CNTNAP5: variants seen among roughly 807,000 people sequenced by gnomAD.
CNTNAP5 encodes contactin-associated protein-like 5.
In CNTNAP5, 72 loss-of-function variants were observed where a neutral mutation model predicts 150.2. The observed-to-expected ratio is 0.48, with a 90% CI of 0.40 to 0.58. The LOEUF is 0.58. Ranked by LOEUF, CNTNAP5 falls within the 20% of genes least tolerant of loss-of-function variation. The pLI, the probability that CNTNAP5 is intolerant of heterozygous loss-of-function variation, is 0.00. For synonymous variants in CNTNAP5, 672 were observed against 619.8 expected, an observed-to-expected ratio of 1.08 and a Z score of -1.25; for missense variants, 1,636 against 1,626.2, an observed-to-expected ratio of 1.01 and a Z score of -0.10.
intron 21 of CNTNAP5, among the ~76,000 whole-genome samples, chr2:124,870,870 AAG>A (rs1378420945): frequency 7.9e-5 from 12 of 152,028 alleles, no homozygotes. Context: ...TGCCAGTAGA[AAG>A]AGCTGAAAAG....
intron 3 of CNTNAP5, among the ~76,000 whole-genome samples, chr2:124,386,507 C>A (rs555904270): frequency 2.0e-5 from 3 of 152,218 alleles, no homozygotes; most frequent in Non-Finnish European, 4.4e-5. Context: ...GCATTTCTGC[C>A]AAGAAATGTT....
At chr2:124,162,304 G>T (rs911682022) in intron 1 of CNTNAP5, among the ~76,000 whole-genome samples, 4 of 152,124 alleles carry the variant, frequency 2.6e-5, no homozygotes, top group Non-Finnish European at 5.9e-5. Context: ...GACAGAGATT[G>T]TATTGATTAT....
rs576777428 is a variant in CNTNAP5, at chr2:124,350,178, G to A, written c.382-67265G>A. On this transcript the variant is annotated intron_variant, in intron 3 of 23. Transcript: ENST00000682447. ...ATTACAGGCGTGAGCCACCATTCCC[G>A]GCCGACTTCTGGCTATTTCTAAACT... 1.2e-4 allele frequency among the ~76,000 whole-genome samples: 18 copies of A among 151,686 alleles called. No individual in the cohort carries two copies. The South Asian group carries it at 2.9e-3, about 25-fold the overall frequency.
chr2:124,783,868 A>G (rs1006243720), intron 17 of CNTNAP5, among the ~76,000 whole-genome samples: 2 of 152,132 alleles, frequency 1.3e-5, no homozygotes, highest in Non-Finnish European at 2.9e-5. Flanking sequence ...ATCTGGCAAA[A>G]CTCAACCAGA....
chr2:124,078,965 A>G (rs945935539), intron 1 of CNTNAP5, among the ~76,000 whole-genome samples: 9 of 152,216 alleles, frequency 5.9e-5, no homozygotes, highest in Non-Finnish European at 1.2e-4. Context: ...GATTACATCT[A>G]AACGAAAACC....
At chr2:124,527,845 T>C (rs556841994) in intron 10 of CNTNAP5, among the ~76,000 whole-genome samples, 1 of 152,190 alleles carries the variant, frequency 6.6e-6, no homozygotes, top group African/African-American at 2.4e-5. Context: ...CAGATGAGCA[T>C]TGGACCATCT....
At chr2:124,051,777 A>C (rs17010772) in intron 1 of CNTNAP5, among the ~76,000 whole-genome samples, 7,051 of 152,228 alleles carry the variant, frequency 0.046, 234 homozygotes, top group East Asian at 0.12. Context: ...TGAGACATAC[A>C]GTTTACCTGC....
chr2:124,801,188 C>T (rs1054711832), intron 19 of CNTNAP5, among the ~76,000 whole-genome samples: 1 of 152,134 alleles, frequency 6.6e-6, no homozygotes, highest in Non-Finnish European at 1.5e-5. Context: ...TTTTTATTAA[C>T]TCTGTGGGTA....
chr2:124,443,082 G>A (rs894422376), intron 5 of CNTNAP5, among the ~76,000 whole-genome samples: 5 of 151,894 alleles, frequency 3.3e-5, no homozygotes, highest in African/African-American at 7.2e-5. Flanking sequence ...AAGAATGAAC[G>A]CTACAAATAC....
intron 6 of CNTNAP5, among the ~76,000 whole-genome samples, chr2:124,464,419 A>G (rs1050997847): frequency 6.6e-6 from 1 of 152,206 alleles, no homozygotes; most frequent in African/African-American, 2.4e-5. Context: ...TGTAAAACCA[A>G]TAAGGAAGAG....
At chr2:124,193,962 G>A (rs187933495) in intron 1 of CNTNAP5, among the ~76,000 whole-genome samples, 1 of 152,184 alleles carries the variant, frequency 6.6e-6, no homozygotes, top group African/African-American at 2.4e-5. Context: ...GTGTGAGCTG[G>A]TTTTATTGCT....
intron 3 of CNTNAP5, among the ~76,000 whole-genome samples, chr2:124,252,440 G>A (rs1488698211): frequency 6.6e-6 from 1 of 152,146 alleles, no homozygotes; most frequent in Non-Finnish European, 1.5e-5. Context: ...ATTCATGGGT[G>A]ATGACCCACC....
In CNTNAP5 at chr2:124,828,247, C is replaced by T. The variant is rs145352565; in HGVS notation, c.3217+29927C>T. On this transcript the variant is annotated intron_variant, in intron 19 of 23. Coordinates refer to ENST00000682447, the MANE Select transcript of CNTNAP5 (RefSeq NM_001367498.1). ...CTCTAATCTCAGCACTTTGCGAGGCCGAGACGGGCGGATCACGAGGTCAGG... is the reference window on the plus strand; with the variant it reads ...CTCTAATCTCAGCACTTTGCGAGGCTGAGACGGGCGGATCACGAGGTCAGG... 7.6e-3 allele frequency among the ~76,000 whole-genome samples: 1,163 copies of T among 152,192 alleles called. 9 individuals are homozygous for T. Among genetic ancestry groups the T allele is most frequent in the South Asian group, 0.029 (138 of 4,820 alleles).
At chr2:124,514,584 G>T (rs1006502526) in intron 8 of CNTNAP5, among the ~76,000 whole-genome samples, 4 of 152,154 alleles carry the variant, frequency 2.6e-5, no homozygotes, top group Admixed American at 2.6e-4. Flanking sequence ...GAGCTCATAG[G>T]CATGGTTGGA....
rs961520331 is a variant in CNTNAP5, at chr2:124,064,059, T to G, written c.82+38327T>G. On this transcript the variant is annotated intron_variant, in intron 1 of 23. Transcript: ENST00000682447. ...GCCAGACTTAGGATGAAGCCGTTGT[T>G]TGTAAAAAGAGGAGAAGTATGGAGA... Among the ~76,000 whole-genome samples the G allele has an allele frequency of 1.1e-4, 16 of 152,206 alleles. 1 individual carries two copies. The highest frequency in any genetic ancestry group is 1.0e-3 in the Admixed American group (16 of 15,268).
At chr2:124,070,806 A>G (rs939435469) in intron 1 of CNTNAP5, among the ~76,000 whole-genome samples, 1 of 152,052 alleles carries the variant, frequency 6.6e-6, no homozygotes, top group Non-Finnish European at 1.5e-5. Context: ...ATAGAAAATC[A>G]AGAAAGAAAC....
At chr2:124,580,074 G>A (rs1366010693) in intron 11 of CNTNAP5, among the ~76,000 whole-genome samples, 2 of 152,186 alleles carry the variant, frequency 1.3e-5, no homozygotes, top group African/African-American at 4.8e-5. Context: ...AACTTTCACA[G>A]AAAATAACCT....
At chr2:124,406,740 A>T (rs1691581295) in intron 3 of CNTNAP5, among the ~76,000 whole-genome samples, 1 of 152,184 alleles carries the variant, frequency 6.6e-6, no homozygotes, top group South Asian at 2.1e-4. Flanking sequence ...AAAATATATA[A>T]TACATGTTGT....
At chr2:124,833,796 C>T (rs1005495620) in intron 19 of CNTNAP5, among the ~76,000 whole-genome samples, 6 of 151,998 alleles carry the variant, frequency 3.9e-5, no homozygotes, top group African/African-American at 1.4e-4. Context: ...CAGATACTGT[C>T]TTATGTGTAG....
Sources: allele counts gnomAD v4.1 joint callset (sites outside exome capture counted in the v4.1 genomes callset), GRCh38; gene constraint gnomAD v4.1.1; transcripts MANE v1.5; gene names NCBI Gene and HGNC (gene_info 2026-07-23, HGNC 2026-07-21).